The following ITPK1 variants were observed in gnomAD, a reference collection of about 807,000 sequenced individuals.
ITPK1 encodes inositol 1,3,4-trisphosphate 5/6-kinase.
Under a neutral mutation model 45.3 loss-of-function variants are expected in ITPK1, and 21 were observed. That is an observed-to-expected ratio of 0.46 (90% CI 0.33 to 0.67). The LOEUF is 0.67. Among genes scored for constraint, ITPK1 ranks in the 30% least tolerant of loss-of-function variants. The pLI is 0.02. For synonymous variants in ITPK1, 258 were observed against 253.6 expected (o/e 1.02, Z -0.16); for missense variants, 474 against 573.5 (o/e 0.83, Z 1.77).
At chr14:92,948,896 C>T (rs955496882) in intron 9 of ITPK1, among the ~76,000 whole-genome samples, 2 of 152,024 alleles carry the variant, frequency 1.3e-5, no homozygotes, top group Non-Finnish European at 2.9e-5. Context: ...ATCACCCACG[C>T]TCTGAGGGAC....
chr14:92,998,238 AC>A, intron 4 of ITPK1, among the ~76,000 whole-genome samples: 1 of 152,302 alleles, frequency 6.6e-6, no homozygotes, highest in East Asian at 1.9e-4. Flanking sequence ...GATTCTCATT[AC>A]CCTGCAACAC....
chr14:92,969,650 C>T (rs1372384146), intron 5 of ITPK1, among the ~76,000 whole-genome samples: 4 of 152,198 alleles, frequency 2.6e-5, no homozygotes, highest in Non-Finnish European at 4.4e-5. Context: ...ACGAGAAGCT[C>T]GCAGTGGTGG....
At chr14:93,109,593 CAAG>C (rs1361994020) in intron 2 of ITPK1, among the ~76,000 whole-genome samples, 1 of 152,172 alleles carries the variant, frequency 6.6e-6, no homozygotes. Flanking sequence ...TAAAAAAATA[CAAG>C]TAGCATCTTA....
Position 92,941,347 on chromosome 14 carries a change from C to T in ITPK1, c.*214G>A, listed in dbSNP as rs771064371. ...GTCTGCACAGTAGAGAGCAGGCGGACGGCCCCACTCCCCAACGGTGGACCA... is the reference window on the plus strand; with the variant it reads ...GTCTGCACAGTAGAGAGCAGGCGGATGGCCCCACTCCCCAACGGTGGACCA... On this transcript the variant is annotated 3_prime_UTR_variant, in exon 11 of 11. Coordinates refer to ENST00000267615, the MANE Select transcript of ITPK1 (RefSeq NM_014216.6). 6.7e-5 allele frequency: 95 copies of T among 1,410,010 alleles called. No individual in the cohort carries two copies. The highest frequency in any genetic ancestry group is 2.6e-4 in the Middle Eastern group (1 of 3,816). The allele number at this position is 1,410,010 out of a possible 1,614,324, so 87.3% of individuals were successfully genotyped here.
At chr14:93,050,778 C>T (rs983022384) in intron 3 of ITPK1, among the ~76,000 whole-genome samples, 5 of 152,020 alleles carry the variant, frequency 3.3e-5, no homozygotes, top group African/African-American at 1.2e-4. Context: ...GGCTGACCTA[C>T]CGAGACCTCC....
Position 93,076,585 on chromosome 14 carries a change from C to CTG in ITPK1, c.120+8_120+9dup. 6.2e-7 allele frequency: 1 copy of CTG among 1,614,170 alleles called. No homozygotes were observed. Among genetic ancestry groups the CTG allele is most frequent in the Non-Finnish European group, 8.5e-7 (1 of 1,180,018 alleles). ...ACCCAAAGAACCACGGGGACGCGGT[C>CTG]TGTACTCACCTGCACAACCTCCATC... On this transcript the variant is annotated intron_variant, in intron 3 of 10. Coordinates refer to ENST00000267615, the MANE Select transcript of ITPK1 (RefSeq NM_014216.6). The surrounding 1 kb of genome is among the most constrained non-coding windows in gnomAD (Gnocchi z 4.3).
chr14:93,071,687 T>G (rs1891012004), intron 3 of ITPK1: 3 of 152,246 alleles, frequency 2.0e-5, no homozygotes, highest in Admixed American at 2.0e-4. Context: ...AAGCTCTTCT[T>G]TAACCATTGG....
intron 9 of ITPK1, among the ~76,000 whole-genome samples, chr14:92,946,882 GA>G (rs1458891785): frequency 6.6e-6 from 1 of 152,274 alleles, no homozygotes; most frequent in Non-Finnish European, 1.5e-5. Flanking sequence ...AGGGAGGAAG[GA>G]GATGGAGAGT....
chr14:93,083,511 C>T (rs1027567720), intron 2 of ITPK1, among the ~76,000 whole-genome samples: 1 of 152,158 alleles, frequency 6.6e-6, no homozygotes, highest in African/African-American at 2.4e-5. Flanking sequence ...CAGGCACATC[C>T]TCATCCAAGC....
chr14:93,060,251 G>A (rs1025528250), intron 3 of ITPK1, among the ~76,000 whole-genome samples: 1 of 152,152 alleles, frequency 6.6e-6, no homozygotes, highest in Non-Finnish European at 1.5e-5. Flanking sequence ...AGCCCCCGCT[G>A]CTCCCTTAAC....
At chr14:93,011,595 T>A (rs549645456) in intron 4 of ITPK1, among the ~76,000 whole-genome samples, 24 of 152,276 alleles carry the variant, frequency 1.6e-4, no homozygotes, top group African/African-American at 5.8e-4. Flanking sequence ...GAGTGCAACT[T>A]TGTCCTGTGT....
At chr14:93,005,466 C>T (rs114597737) in intron 4 of ITPK1, among the ~76,000 whole-genome samples, 212 of 152,294 alleles carry the variant, frequency 1.4e-3, no homozygotes, top group African/African-American at 4.9e-3. Context: ...CCAAGTGAGG[C>T]AGCATGACAC....
chr14:92,991,281 G>A (rs1886775840), intron 5 of ITPK1, among the ~76,000 whole-genome samples: 3 of 152,122 alleles, frequency 2.0e-5, no homozygotes, highest in Admixed American at 2.0e-4. Flanking sequence ...CAGCGATGCT[G>A]GTGAATGGAC....
chr14:93,074,407 A>G (rs1456695316), intron 3 of ITPK1, among the ~76,000 whole-genome samples: 2 of 152,242 alleles, frequency 1.3e-5, no homozygotes, highest in Admixed American at 6.5e-5. Context: ...AGAATGCCAC[A>G]TAAATGAAAC....
At chr14:93,074,482 AG>A (rs1262761925) in intron 3 of ITPK1, among the ~76,000 whole-genome samples, 1 of 152,192 alleles carries the variant, frequency 6.6e-6, no homozygotes, top group African/African-American at 2.4e-5. Context: ...ACTGTGTGAC[AG>A]TTTGAGGTCG....
At chr14:93,104,162 C>T (rs1359689445) in intron 2 of ITPK1, among the ~76,000 whole-genome samples, 1 of 152,180 alleles carries the variant, frequency 6.6e-6, no homozygotes, top group Admixed American at 6.5e-5. Context: ...CTCCTGGGCC[C>T]AACAACTGCA....
At chr14:93,097,835 C>T (rs1470344009) in intron 2 of ITPK1, among the ~76,000 whole-genome samples, 1 of 152,130 alleles carries the variant, frequency 6.6e-6, no homozygotes, top group Non-Finnish European at 1.5e-5. Context: ...ATGGTGAAAC[C>T]CTGTCTCTAC....
At chr14:93,064,465 T>C (rs1170102154) in intron 3 of ITPK1, among the ~76,000 whole-genome samples, 2 of 151,936 alleles carry the variant, frequency 1.3e-5, no homozygotes, top group African/African-American at 4.8e-5. Flanking sequence ...GCTCTAAATG[T>C]TCCCCCAGGA....
intron 5 of ITPK1, among the ~76,000 whole-genome samples, chr14:92,975,513 A>G (rs1885896203): frequency 6.6e-6 from 1 of 152,054 alleles, no homozygotes; most frequent in South Asian, 2.1e-4. Flanking sequence ...GGGACGCTTA[A>G]TTCTTGTCAG....
Sources: allele counts gnomAD v4.1 joint callset (sites outside exome capture counted in the v4.1 genomes callset), GRCh38; gene constraint gnomAD v4.1.1; non-coding constraint Gnocchi (gnomAD v3.1); transcripts MANE v1.5; gene names NCBI Gene and HGNC (gene_info 2026-07-23, HGNC 2026-07-21).